L3HYPDH: variants seen among roughly 807,000 people sequenced by gnomAD.
The protein encoded by L3HYPDH is trans-L-3-hydroxyproline dehydratase, also known as trans-3-hydroxy-L-proline dehydratase.
L3HYPDH carries 32 observed loss-of-function variants against 26.5 expected under a neutral mutation model. That is an observed-to-expected ratio of 1.21 (90% CI 0.91 to 1.62). The LOEUF is 1.62. L3HYPDH is among the 40% of genes most tolerant of loss of function. L3HYPDH has a pLI of 0.00. For synonymous variants in L3HYPDH, 215 were observed against 196.6 expected (o/e 1.09, Z -0.78); for missense variants, 554 against 476.4 (o/e 1.16, Z -1.52).
At chr14:59,497,760 A>C in the L3HYPDH span, among the ~76,000 whole-genome samples, 2 of 152,168 alleles carry the variant, frequency 1.3e-5, 1 homozygote, top group South Asian at 4.1e-4. Flanking sequence ...AACATGTACT[A>C]ATGCATTACT....
At chr14:59,472,127 T>G (rs1483089147), downstream of L3HYPDH, among the ~76,000 whole-genome samples, 1 of 152,216 alleles carries the variant, frequency 6.6e-6, no homozygotes, top group Non-Finnish European at 1.5e-5. Flanking sequence ...CTTAGAATAT[T>G]TTAATGCTTC....
upstream of L3HYPDH, chr14:59,484,593 G>T: frequency 6.3e-7 from 1 of 1,579,140 alleles, no homozygotes; most frequent in Non-Finnish European, 8.6e-7. Flanking sequence ...GCGGCCCATG[G>T]GTGAGTGGTC....
chr14:59,484,669 G>A, upstream of L3HYPDH: 1 of 1,522,130 alleles, frequency 6.6e-7, no homozygotes, highest in Non-Finnish European at 8.9e-7. Flanking sequence ...CCTCGGGCTC[G>A]GCTCTTTGTA....
intron 1 of L3HYPDH, among the ~76,000 whole-genome samples, chr14:59,480,112 T>C (rs1253099): frequency 0.083 from 12,588 of 152,236 alleles, 688 homozygotes; most frequent in African/African-American, 0.16. Flanking sequence ...CACTGCCTTT[T>C]AGGGAAGCCT....
rs1889595126 is a variant in L3HYPDH at position 59,475,945 on chromosome 14, C to T, written c.863G>A (p.Gly288Glu). ...TARIALQYHKGLLELNQMRAF... is the reference protein window; with the variant it reads ...TARIALQYHKELLELNQMRAF... ...TCTCATCTGGTTCAGTTCCAGAAGC[C>T]CTTTGTGATACTGTAAGGCAATTCG... The change falls in exon 4 of 5, where the codon GGG becomes GAG. Residue 288 changes from glycine (G) to glutamate (E), a missense_variant. Coordinates refer to ENST00000247194, the MANE Select transcript of L3HYPDH (RefSeq NM_144581.2). 1 of 1,613,812 alleles carries T rather than the reference C, an allele frequency of 6.2e-7. No homozygotes were observed.
At chr14:59,503,711 TTTC>T in the L3HYPDH span, 1 of 614,326 alleles carries the variant, frequency 1.6e-6, no homozygotes, top group South Asian at 2.4e-5. Context: ...GACTGAGTGA[TTTC>T]TTAAGTCTTT....
At chr14:59,488,347 T>G (rs1426769419), upstream of L3HYPDH, among the ~76,000 whole-genome samples, 1 of 152,260 alleles carries the variant, frequency 6.6e-6, no homozygotes, top group African/African-American at 2.4e-5. Flanking sequence ...AGAAAACAAG[T>G]GTGTACATAA....
chr14:59,482,748 G>A (rs970726496), intron 1 of L3HYPDH, among the ~76,000 whole-genome samples: 2 of 152,138 alleles, frequency 1.3e-5, no homozygotes, highest in African/African-American at 2.4e-5. Flanking sequence ...TCATAATCAG[G>A]CTAATCTGAA....
At chr14:59,504,110 T>C in the L3HYPDH span, 1 of 1,275,072 alleles carries the variant, frequency 7.8e-7, no homozygotes. Flanking sequence ...TGAGAAGTGC[T>C]CCTAATAAAA....
chr14:59,497,130 A>T, the L3HYPDH span, among the ~76,000 whole-genome samples: 1 of 152,042 alleles, frequency 6.6e-6, no homozygotes, highest in African/African-American at 2.4e-5. Flanking sequence ...TTACAAATTG[A>T]AAAATACCAC....
intron 4 of L3HYPDH, chr14:59,475,208 AC>A (rs1889546929): frequency 6.6e-6 from 1 of 152,004 alleles, no homozygotes. Context: ...AAACAAAAAA[AC>A]AAAAAAAAAC....
chr14:59,480,535 G>A (rs1889941586), intron 1 of L3HYPDH, among the ~76,000 whole-genome samples: 1 of 152,224 alleles, frequency 6.6e-6, no homozygotes, highest in African/African-American at 2.4e-5. Flanking sequence ...ATGAGGCTAA[G>A]TGAACCAAAA....
the L3HYPDH span, among the ~76,000 whole-genome samples, chr14:59,502,754 T>TTGTTTTTTTGTTTTTGTTTTTG: frequency 3.4e-5 from 1 of 29,818 alleles, no homozygotes; most frequent in African/African-American, 7.9e-5. Context: ...AATGAGATTT[T>TTGTTTTTTTGTTTTTGTTTTTG]TTTTTTTTTT....
At chr14:59,485,016 GGACC>G, upstream of L3HYPDH, 1 of 1,597,336 alleles carries the variant, frequency 6.3e-7, no homozygotes, top group Non-Finnish European at 8.5e-7. Flanking sequence ...ACAAAGGGCA[GGACC>G]GCTGCAAAAA....
At chr14:59,502,755 T>TGTTTTTTTTTTTTTGTTTTTGG in the L3HYPDH span, among the ~76,000 whole-genome samples, 1 of 122,918 alleles carries the variant, frequency 8.1e-6, no homozygotes, top group Non-Finnish European at 1.6e-5. Flanking sequence ...ATGAGATTTT[T>TGTTTTTTTTTTTTTGTTTTTGG]TTTTTTTTTT....
upstream of L3HYPDH, chr14:59,486,563 T>C (rs963147112): frequency 2.2e-5 from 14 of 629,070 alleles, no homozygotes; most frequent in Admixed American, 1.7e-4. Context: ...AAAGGAGAAA[T>C]GTAAATTTAA....
At chr14:59,470,214 C>T (rs1005234093), downstream of L3HYPDH, among the ~76,000 whole-genome samples, 1 of 152,156 alleles carries the variant, frequency 6.6e-6, no homozygotes, top group Non-Finnish European at 1.5e-5. Flanking sequence ...ATTACCCAAA[C>T]AGGTAATTAA....
the L3HYPDH span, among the ~76,000 whole-genome samples, chr14:59,502,763 T>TTCTTTGTTTTTG: frequency 7.5e-6 from 1 of 134,124 alleles, no homozygotes; most frequent in Non-Finnish European, 1.6e-5. Flanking sequence ...TTTTTTTTTT[T>TTCTTTGTTTTTG]TTTTTTTTTT....
chr14:59,503,537 T>C, the L3HYPDH span, among the ~76,000 whole-genome samples: 1 of 152,032 alleles, frequency 6.6e-6, no homozygotes, highest in Non-Finnish European at 1.5e-5. Context: ...GTTTCCCTTC[T>C]AGTTCGTATC....
Sources: allele counts gnomAD v4.1 joint callset (sites outside exome capture counted in the v4.1 genomes callset), GRCh38; gene constraint gnomAD v4.1.1; transcripts MANE v1.5; gene names NCBI Gene and HGNC (gene_info 2026-07-23, HGNC 2026-07-21).